The following MYO3A variants were observed in gnomAD, a reference collection of about 807,000 sequenced individuals.
MYO3A encodes the protein myosin IIIA.
Under a neutral mutation model 192.7 loss-of-function variants are expected in MYO3A, and 180 were observed. That is an observed-to-expected ratio of 0.93 (90% CI 0.83 to 1.06). The LOEUF (loss-of-function observed/expected upper bound fraction) is 1.06, where lower values mean the gene tolerates loss of function less well. Ranked by LOEUF, MYO3A falls within the 50% of genes least tolerant of loss-of-function variation. The probability of loss-of-function intolerance (pLI) is 0.00; values close to 1 mark genes in which losing one functional copy is unlikely to be tolerated. For missense variants in MYO3A, 1,896 were observed against 1,905.0 expected (o/e 1.00, Z 0.09); for synonymous variants, 628 against 645.3 (o/e 0.97, Z 0.41).
At chr10:25,968,078 T>A (rs1455827862) in intron 4 of MYO3A, among the ~76,000 whole-genome samples, 1 of 151,802 alleles carries the variant, frequency 6.6e-6, no homozygotes, top group East Asian at 1.9e-4. Flanking sequence ...CTGAAGAAGG[T>A]CAAAAATCAC....
intron 6 of MYO3A, among the ~76,000 whole-genome samples, chr10:26,004,713 A>G (rs12265280): frequency 0.094 from 14,347 of 152,106 alleles, 1,190 homozygotes; most frequent in African/African-American, 0.21. Flanking sequence ...GCACACAGAA[A>G]CCAACTTGAA....
chr10:26,113,476 C>CA (rs5783961), intron 17 of MYO3A, among the ~76,000 whole-genome samples: 57,056 of 137,990 alleles, frequency 0.41, 11,247 homozygotes, highest in African/African-American at 0.47. Flanking sequence ...CTCAAAAAAA[C>CA]AAAAAAAAAA....
intron 34 of MYO3A, among the ~76,000 whole-genome samples, chr10:26,207,750 TACCAAA>T (rs1844038520): frequency 6.6e-6 from 1 of 152,206 alleles, no homozygotes; most frequent in African/African-American, 2.4e-5. Flanking sequence ...TAGCTTTGAC[TACCAAA>T]GGGTCTTCTG....
chr10:25,999,825 C>T (rs1462133255), intron 6 of MYO3A, among the ~76,000 whole-genome samples: 3 of 152,142 alleles, frequency 2.0e-5, no homozygotes, highest in Non-Finnish European at 4.4e-5. Context: ...TTGCTCAAAA[C>T]GAAAATCTTA....
At chr10:25,958,553 G>A (rs1837714714) in intron 4 of MYO3A, among the ~76,000 whole-genome samples, 1 of 152,038 alleles carries the variant, frequency 6.6e-6, no homozygotes, top group Non-Finnish European at 1.5e-5. Flanking sequence ...TTTTTGCTTA[G>A]GATTGCCTTG....
At chr10:26,038,217 T>C (rs1024555329) in intron 10 of MYO3A, among the ~76,000 whole-genome samples, 1 of 152,186 alleles carries the variant, frequency 6.6e-6, no homozygotes, top group African/African-American at 2.4e-5. Context: ...ATTTTAGCAG[T>C]GTTTTTACTA....
At chr10:26,011,659 T>C (rs1351860223) in intron 6 of MYO3A, among the ~76,000 whole-genome samples, 1 of 152,166 alleles carries the variant, frequency 6.6e-6, no homozygotes, top group Non-Finnish European at 1.5e-5. Flanking sequence ...GGACCAGACC[T>C]ATTCACTGAA....
intron 4 of MYO3A, among the ~76,000 whole-genome samples, chr10:25,957,262 T>C (rs935409853): frequency 1.3e-5 from 2 of 152,098 alleles, no homozygotes; most frequent in African/African-American, 4.8e-5. Flanking sequence ...ATTCTCATGA[T>C]AGTGAATAAG....
At chr10:26,146,482 G>T (rs1840472178) in intron 22 of MYO3A, among the ~76,000 whole-genome samples, 1 of 152,098 alleles carries the variant, frequency 6.6e-6, no homozygotes, top group Non-Finnish European at 1.5e-5. Flanking sequence ...CTCTAAGTGG[G>T]GTTAGCATCT....
intron 17 of MYO3A, among the ~76,000 whole-genome samples, chr10:26,116,270 C>T (rs1048390213): frequency 2.6e-5 from 4 of 152,246 alleles, no homozygotes; most frequent in South Asian, 2.1e-4. Context: ...TGCTCCGCTC[C>T]GAGTTTCTAG....
chr10:26,189,292 C>A (rs1002775509), intron 31 of MYO3A, among the ~76,000 whole-genome samples: 2 of 152,138 alleles, frequency 1.3e-5, no homozygotes, highest in Non-Finnish European at 2.9e-5. Flanking sequence ...CGCTAAAGAC[C>A]CTATCTCCAA....
intron 7 of MYO3A, among the ~76,000 whole-genome samples, chr10:26,019,327 C>T (rs189409537): frequency 0.012 from 1,788 of 152,030 alleles, 44 homozygotes; most frequent in African/African-American, 0.041. Flanking sequence ...GGCGCAATCT[C>T]GGCTCACTGC....
chr10:26,099,764 C>G (rs1475560456), intron 17 of MYO3A, among the ~76,000 whole-genome samples: 1 of 152,174 alleles, frequency 6.6e-6, no homozygotes, highest in East Asian at 1.9e-4. Flanking sequence ...ATGAAGCCCA[C>G]TTGATCATGG....
intron 10 of MYO3A, among the ~76,000 whole-genome samples, chr10:26,059,072 C>T (rs752641259): frequency 3.2e-4 from 48 of 151,990 alleles, no homozygotes; most frequent in Non-Finnish European, 6.0e-4. Context: ...TTATTCATTC[C>T]AGGAGGTTTT....
chr10:26,054,746 A>G (rs1023696971), intron 10 of MYO3A, among the ~76,000 whole-genome samples: 6 of 152,240 alleles, frequency 3.9e-5, no homozygotes, highest in African/African-American at 1.4e-4. Flanking sequence ...TGATGCAGCC[A>G]TGACCGAAGA....
Position 26,008,496 on chromosome 10 carries a change from C to T in MYO3A, c.509-8324C>T, listed in dbSNP as rs1331969643. Among the ~76,000 whole-genome samples, 3 of 147,860 alleles carry T rather than the reference C, an allele frequency of 2.0e-5. No individual in the cohort carries two copies. In the South Asian group the frequency reaches 6.3e-4, roughly 31 times the overall value. On this transcript the variant is annotated intron_variant, in intron 6 of 34. Transcript: ENST00000642920. Reference sequence around the variant, plus strand: ...CGCAACCTACTCGTCTGACAAAGGGCTAATATCCAGAATCTACAATGAACA... The same window carrying T: ...CGCAACCTACTCGTCTGACAAAGGGTTAATATCCAGAATCTACAATGAACA...
At chr10:25,972,438 C>T (rs74129519) in intron 4 of MYO3A, among the ~76,000 whole-genome samples, 3,033 of 152,048 alleles carry the variant, frequency 0.02, 114 homozygotes, top group African/African-American at 0.069. Flanking sequence ...TGACTGGGCC[C>T]GCTCACAAGC....
At position 26,096,400 on chromosome 10, in the gene MYO3A, A is replaced by AT. The variant is rs1564543838; in HGVS notation, c.1588dup (p.Tyr530LeufsTer9). 6.2e-7 allele frequency: 1 copy of AT among 1,612,184 alleles called. No individual in the cohort carries two copies. The highest frequency in any genetic ancestry group is 8.5e-7 in the Non-Finnish European group (1 of 1,179,420). The stretch of plus-strand genomic sequence containing the variant: ...TTCCAGTGGAGAAAAAAATTTTCAT[A>AT]TTTTTTACTACATTTATGCTGGTTT... On this transcript the variant is annotated frameshift_variant, in exon 16 of 35. Coordinates refer to ENST00000642920, the MANE Select transcript of MYO3A (RefSeq NM_017433.5). LOFTEE classifies it high-confidence loss of function.
intron 30 of MYO3A, among the ~76,000 whole-genome samples, chr10:26,175,470 A>G (rs541124644): frequency 1.4e-4 from 22 of 152,240 alleles, no homozygotes; most frequent in Non-Finnish European, 3.2e-4. Flanking sequence ...AAGAAATATC[A>G]TAATGGGTTA....
Sources: allele counts gnomAD v4.1 joint callset (sites outside exome capture counted in the v4.1 genomes callset), GRCh38; gene constraint gnomAD v4.1.1; transcripts MANE v1.5; gene names NCBI Gene and HGNC (gene_info 2026-07-23, HGNC 2026-07-21).